Variants in SEPTIN7 observed in about 807,000 individuals in gnomAD.
The protein encoded by SEPTIN7 is septin 7, also known as septin-7.
A neutral mutation model predicts 63.3 loss-of-function variants in SEPTIN7; 10 were observed. The ratio of observed to expected loss-of-function variants is 0.16; its 90% confidence interval spans 0.10 to 0.27. The LOEUF (loss-of-function observed/expected upper bound fraction) is 0.27, where lower values mean the gene tolerates loss of function less well. Ranked by LOEUF, SEPTIN7 falls within the 10% of genes least tolerant of loss-of-function variation. The probability of loss-of-function intolerance (pLI) is 1.00; values close to 1 mark genes in which losing one functional copy is unlikely to be tolerated. For synonymous variants in SEPTIN7, 131 were observed against 165.3 expected (o/e 0.79, Z 1.59); for missense variants, 310 against 521.0 (o/e 0.59, Z 3.94).
chr7:35,829,088 C>G (rs1039135312), intron 1 of SEPTIN7, among the ~76,000 whole-genome samples: 8 of 151,290 alleles, frequency 5.3e-5, no homozygotes, highest in South Asian at 2.1e-4. Context: ...TCACTCATCC[C>G]CTTGTCCACT....
At chr7:35,833,830 C>A (rs981906194) in intron 3 of SEPTIN7, among the ~76,000 whole-genome samples, 27 of 151,894 alleles carry the variant, frequency 1.8e-4, no homozygotes, top group African/African-American at 6.5e-4. Flanking sequence ...ATTGAACTAG[C>A]TGTGAAATAC....
chr7:35,888,845 A>AC (rs1787451998), intron 10 of SEPTIN7: 1 of 368,892 alleles, frequency 2.7e-6, no homozygotes, highest in Admixed American at 3.3e-5. Flanking sequence ...AAAAAAAAAA[A>AC]CGGAAAAGAA....
At chr7:35,896,522 A>G (rs1172415296) in intron 11 of SEPTIN7, among the ~76,000 whole-genome samples, 2 of 152,202 alleles carry the variant, frequency 1.3e-5, no homozygotes, top group East Asian at 1.9e-4. Context: ...GTTTCAGGGC[A>G]GTCATTGACA....
intron 1 of SEPTIN7, among the ~76,000 whole-genome samples, chr7:35,810,905 T>A (rs1192902596): frequency 6.6e-6 from 1 of 152,096 alleles, no homozygotes; most frequent in Non-Finnish European, 1.5e-5. Context: ...TAGCTGGGAT[T>A]ACAGGCACAT....
the SEPTIN7 span, among the ~76,000 whole-genome samples, chr7:35,914,007 A>T: frequency 6.6e-6 from 1 of 152,244 alleles, no homozygotes; most frequent in Non-Finnish European, 1.5e-5. Context: ...ATGGCTAAAT[A>T]AATCAGGATA....
intron 11 of SEPTIN7, among the ~76,000 whole-genome samples, chr7:35,894,252 T>C (rs55904294): frequency 0.48 from 72,784 of 151,562 alleles, 20,641 homozygotes; most frequent in Non-Finnish European, 0.62. Flanking sequence ...CTGATGTCTA[T>C]CATTGGTACC....
chr7:35,824,520 C>T (rs1332792175), intron 1 of SEPTIN7, among the ~76,000 whole-genome samples: 2 of 152,140 alleles, frequency 1.3e-5, no homozygotes, highest in East Asian at 1.9e-4. Context: ...GCATTTCTAA[C>T]CTTTATATAT....
intron 3 of SEPTIN7, among the ~76,000 whole-genome samples, chr7:35,839,139 T>C (rs1415209273): frequency 2.6e-5 from 4 of 152,192 alleles, no homozygotes; most frequent in African/African-American, 4.8e-5. Context: ...GTGAGACTTA[T>C]TTGGAGTCAT....
chr7:35,864,347 A>G (rs1230827121), intron 4 of SEPTIN7, among the ~76,000 whole-genome samples: 5 of 152,094 alleles, frequency 3.3e-5, no homozygotes, highest in African/African-American at 1.2e-4. Flanking sequence ...TACATTTCTA[A>G]CAAGATCACA....
At chr7:35,822,254 A>T (rs1789467018) in intron 1 of SEPTIN7, among the ~76,000 whole-genome samples, 1 of 149,468 alleles carries the variant, frequency 6.7e-6, no homozygotes, top group South Asian at 2.1e-4. Flanking sequence ...TAGAGACAGG[A>T]TTTCACCATG....
rs143775221 is a variant in SEPTIN7, at chr7:35,880,932, C to A, written c.630+992C>A. 8.4e-3 allele frequency among the ~76,000 whole-genome samples: 1,282 copies of A among 152,052 alleles called. 16 individuals carry two copies. The highest frequency in any genetic ancestry group is 0.03 in the African/African-American group (1,250 of 41,512). ...ATGAAATGTAAGGTCAATTCTGGAA[C>A]CTTTCTCTATTCCAGTAGTCCAAAG... On this transcript the variant is annotated intron_variant, in intron 7 of 13. Coordinates refer to ENST00000350320, the MANE Select transcript of SEPTIN7 (RefSeq NM_001788.6).
rs1486491963 is a variant in SEPTIN7 at position 35,904,912 on chromosome 7, G to A, written c.*619G>A. On this transcript the variant is annotated 3_prime_UTR_variant, in exon 14 of 14. Coordinates refer to ENST00000350320, the MANE Select transcript of SEPTIN7 (RefSeq NM_001788.6). Reference sequence around the variant, plus strand: ...TTTAAATATATATTATTCTCATTTAGTGCCCTCTTTAGCCAGAATCTCATT... The same window carrying A: ...TTTAAATATATATTATTCTCATTTAATGCCCTCTTTAGCCAGAATCTCATT... The A allele has an allele frequency of 1.3e-5, 2 of 151,786 alleles. No homozygotes were observed. The highest frequency in any genetic ancestry group is 4.9e-5 in the African/African-American group (2 of 41,228). The allele number at this position is 151,786 out of a possible 1,614,324, so 9.4% of individuals were successfully genotyped here.
rs868770215 is a variant in SEPTIN7, at chr7:35,826,388, T to C, written c.62-5104T>C. On this transcript the variant is annotated intron_variant, in intron 1 of 13. Coordinates refer to ENST00000350320, the MANE Select transcript of SEPTIN7 (RefSeq NM_001788.6). ...TGTGTAAAACAATATGCTATATATA[T>C]GTATATTTATATATATATATATTTT... is the stretch of plus-strand genomic sequence containing the variant. Among the ~76,000 whole-genome samples the C allele has an allele frequency of 4.7e-5, 7 of 149,528 alleles. No homozygotes were observed. The South Asian group carries it at 8.3e-4, about 18-fold the overall frequency.
Position 35,801,116 on chromosome 7 carries a change from A to T in SEPTIN7, c.-94A>T, listed in dbSNP as rs1453326837. On this transcript the variant is annotated 5_prime_UTR_variant, in exon 1 of 14. Coordinates refer to ENST00000350320, the MANE Select transcript of SEPTIN7 (RefSeq NM_001788.6). ...TGTAGCGTGCGTAAGCAAGGCAGCT[A>T]CGCCGGGCGGCTACGCTGCGGAATC... 2 of 1,048,360 alleles carry T rather than the reference A, an allele frequency of 1.9e-6. No individual in the cohort carries two copies. The highest frequency in any genetic ancestry group is 2.6e-6 in the Non-Finnish European group (2 of 756,628). 64.9% of individuals were successfully genotyped at this position (1,048,360 alleles called of 1,614,324 possible).
chr7:35,817,352 C>T (rs1344661640), intron 1 of SEPTIN7, among the ~76,000 whole-genome samples: 1 of 151,922 alleles, frequency 6.6e-6, no homozygotes, highest in Non-Finnish European at 1.5e-5. Context: ...AAACAACTGG[C>T]CATAAATGTA....
intron 11 of SEPTIN7, among the ~76,000 whole-genome samples, chr7:35,892,663 A>G (rs183977140): frequency 6.6e-6 from 1 of 152,282 alleles, no homozygotes; most frequent in Admixed American, 6.5e-5. Flanking sequence ...CAGGTAAGAT[A>G]ATTCATGGAA....
intron 3 of SEPTIN7, among the ~76,000 whole-genome samples, chr7:35,845,725 T>A (rs570850324): frequency 6.6e-6 from 1 of 152,356 alleles, no homozygotes; most frequent in Non-Finnish European, 1.5e-5. Flanking sequence ...TGAATATTAA[T>A]GCTACCCCTT....
At chr7:35,829,995 G>A (rs1312495989) in intron 1 of SEPTIN7, among the ~76,000 whole-genome samples, 2 of 152,078 alleles carry the variant, frequency 1.3e-5, no homozygotes, top group Non-Finnish European at 2.9e-5. Context: ...AGACCAGCCT[G>A]GCCAAGATGG....
rs117795295 is a variant in SEPTIN7 at position 35,841,212 on chromosome 7, G to A, written c.169+8312G>A. ...CTTCAGCTTGGGCGACAGAGTGAGT[G>A]AGATTCTGTCTCAAACGTAAAAAAA... On this transcript the variant is annotated intron_variant, in intron 3 of 13. Coordinates refer to ENST00000350320, the MANE Select transcript of SEPTIN7 (RefSeq NM_001788.6). 1.8e-4 allele frequency among the ~76,000 whole-genome samples: 27 copies of A among 152,006 alleles called. No homozygotes were observed. The East Asian group carries it at 5.2e-3, about 29-fold the overall frequency.
Sources: gnomAD v4.1 joint callset for allele counts (sites outside exome capture counted in the v4.1 genomes callset) on GRCh38, gnomAD v4.1.1 for gene constraint, MANE v1.5 for transcripts, NCBI Gene and HGNC (gene_info 2026-07-23, HGNC 2026-07-21) for gene names.